Variants in ST14 observed in about 807,000 individuals in gnomAD.
ST14 encodes the protein ST14 transmembrane serine protease matriptase.
Under a neutral mutation model 96.5 loss-of-function variants are expected in ST14, and 40 were observed. The observed-to-expected ratio is 0.41, with a 90% CI of 0.32 to 0.54. The LOEUF (loss-of-function observed/expected upper bound fraction) is 0.54. Ranked by LOEUF, ST14 falls within the 20% of genes least tolerant of loss-of-function variation. The pLI, the probability that ST14 is intolerant of heterozygous loss-of-function variation, is 0.17. For synonymous variants in ST14, 506 were observed against 492.1 expected, an observed-to-expected ratio of 1.03 and a Z score of -0.37; for missense variants, 1,066 against 1,188.9, an observed-to-expected ratio of 0.90 and a Z score of 1.52.
intron 1 of ST14, among the ~76,000 whole-genome samples, chr11:130,163,395 C>A (rs928646930): frequency 1.3e-5 from 2 of 152,178 alleles, no homozygotes; most frequent in South Asian, 4.1e-4. Flanking sequence ...CCCCTCCCAC[C>A]ATAGAAAATT....
chr11:130,165,298 G>A (rs1953032570), intron 1 of ST14, among the ~76,000 whole-genome samples: 1 of 152,214 alleles, frequency 6.6e-6, no homozygotes, highest in Non-Finnish European at 1.5e-5. Flanking sequence ...GGTTGTTTCT[G>A]AGATGCCTGG....
rs372599625 is a variant in ST14, at chr11:130,199,483, A to G, written c.1807+414A>G. Among the ~76,000 whole-genome samples, 44 of 152,296 alleles carry G rather than the reference A, an allele frequency of 2.9e-4. No individual in the cohort carries two copies. The South Asian group carries it at 9.1e-3, about 32-fold the overall frequency. ...TGTTTCAGAAGCGTTGGCTGGCCAC[A>G]GGTTAGATTTGAGCACAGCTCCAGC... On this transcript the variant is annotated intron_variant, in intron 15 of 18. Transcript: ENST00000278742.
At chr11:130,190,376 C>T in intron 6 of ST14, 78 bp from the exon 7 acceptor site, 1 of 1,592,658 alleles carries the variant, frequency 6.3e-7, no homozygotes, top group Non-Finnish European at 8.5e-7. Flanking sequence ...AGGTCCACAC[C>T]CACGGGGTCT....
chr11:130,207,117 G>C (rs1275976330), intron 16 of ST14, among the ~76,000 whole-genome samples: 1 of 152,144 alleles, frequency 6.6e-6, no homozygotes, highest in African/African-American at 2.4e-5. Context: ...GTTCCAGGTT[G>C]CTTTATGCTT....
intron 8 of ST14, 98 bp downstream of exon 8, chr11:130,194,386 C>G (rs746181270): frequency 3.6e-5 from 55 of 1,531,270 alleles, no homozygotes; most frequent in Non-Finnish European, 4.9e-5. Flanking sequence ...ACAGGCTAGA[C>G]CCTGTGGTTG....
chr11:130,188,617 C>T lies in ST14; in HGVS notation c.329C>T (p.Ser110Phe). ...NFVDAYENSN[S>F]TEFVSLASKV... is the part of the protein sequence containing the mutation. The stretch of plus-strand genomic sequence containing the variant: ...GTGGATGCCTACGAGAACTCCAACT[C>T]CACTGAGTTTGTAAGCCTGGCCAGC... Residue 110 changes from serine to phenylalanine, a missense_variant, in exon 3 of 19, where the codon TCC (serine) becomes TTC (phenylalanine). Physicochemically the swap from Ser to Phe is radical, Grantham distance 155. Coordinates refer to ENST00000278742, the MANE Select transcript of ST14 (RefSeq NM_021978.4). The surrounding 1 kb of genome is among the most constrained non-coding windows in gnomAD (Gnocchi z 5.4). 6.2e-7 allele frequency: 1 copy of T among 1,614,210 alleles called. No individual in the cohort carries two copies.
chr11:130,189,034 C>A (rs1409118115), intron 4 of ST14, 95 bp downstream of exon 4: 13 of 1,346,980 alleles, frequency 9.7e-6, no homozygotes, highest in Middle Eastern at 3.7e-4. Flanking sequence ...GGAGATGGTG[C>A]TGGAGGTCCT....
chr11:130,196,488 G>A (rs1292535282), intron 10 of ST14, 40 bp downstream of exon 10: 1 of 1,585,346 alleles, frequency 6.3e-7, no homozygotes, highest in Non-Finnish European at 8.6e-7. Context: ...GGCCCATGCT[G>A]CAGGGGGAGG....
At chr11:130,170,266 T>G (rs1452583355) in intron 1 of ST14, among the ~76,000 whole-genome samples, 1 of 152,104 alleles carries the variant, frequency 6.6e-6, no homozygotes, top group African/African-American at 2.4e-5. Flanking sequence ...TTCCCCTTCT[T>G]GGTTGAGGGC....
At chr11:130,178,866 G>A (rs1283492248) in intron 1 of ST14, among the ~76,000 whole-genome samples, 2 of 152,296 alleles carry the variant, frequency 1.3e-5, no homozygotes, top group African/African-American at 4.8e-5. Context: ...CAGCTGGCTG[G>A]GTCTGCAGCT....
At chr11:130,199,859 C>A in intron 15 of ST14, 92 bp from the exon 16 acceptor site, 2 of 1,542,838 alleles carry the variant, frequency 1.3e-6, no homozygotes, top group Non-Finnish European at 1.8e-6. Flanking sequence ...GGCTTCCCCA[C>A]ACAGGGTCTC....
intron 1 of ST14, among the ~76,000 whole-genome samples, chr11:130,177,455 C>G (rs186381053): frequency 6.6e-6 from 1 of 151,826 alleles, no homozygotes; most frequent in African/African-American, 2.4e-5. Flanking sequence ...CCCAGCTACT[C>G]GGGAGGCTGA....
intron 1 of ST14, among the ~76,000 whole-genome samples, chr11:130,171,637 A>G (rs964637648): frequency 2.0e-5 from 3 of 152,172 alleles, no homozygotes; most frequent in African/African-American, 7.2e-5. Flanking sequence ...GTCTTTCCAC[A>G]AGGTCAGACT....
chr11:130,209,477 C>T lies in ST14; in HGVS notation c.2305C>T (p.Arg769Cys), dbSNP rs920350943. 1 of 1,586,250 alleles carries T rather than the reference C, an allele frequency of 6.3e-7. No homozygotes were observed. Among genetic ancestry groups the T allele is most frequent in the Non-Finnish European group, 8.6e-7 (1 of 1,166,512 alleles). Reference protein sequence around the residue: ...GALILQKGEIRVINQTTCENL... With the variant: ...GALILQKGEICVINQTTCENL... ...GCTGATCCTGCAAAAGGGTGAGATCCGCGTCATCAACCAGACCACCTGCGA... is the reference window on the plus strand; with the variant it reads ...GCTGATCCTGCAAAAGGGTGAGATCTGCGTCATCAACCAGACCACCTGCGA... Residue 769 changes from arginine (R) to cysteine (C), a missense_variant, in exon 18 of 19, where the codon CGC (arginine) becomes TGC (cysteine). Arg to Cys is a radical substitution (Grantham distance 180). Coordinates refer to ENST00000278742, the MANE Select transcript of ST14 (RefSeq NM_021978.4).
Position 130,192,538 on chromosome 11 carries a change from G to A in ST14, c.876-1611G>A, listed in dbSNP as rs558653760. Among the ~76,000 whole-genome samples, 9 of 152,278 alleles carry A rather than the reference G, an allele frequency of 5.9e-5. No individual in the cohort carries two copies. The South Asian group carries it at 6.2e-4, about 11-fold the overall frequency. On this transcript the variant is annotated intron_variant, in intron 7 of 18. Transcript: ENST00000278742. ...CGAGCAGCTGGGATTACAGGCATGCGCCACAACACTCAGCTAATTTTTTTT... is the reference window on the plus strand; with the variant it reads ...CGAGCAGCTGGGATTACAGGCATGCACCACAACACTCAGCTAATTTTTTTT...
At chr11:130,205,482 G>A (rs769560856) in intron 16 of ST14, among the ~76,000 whole-genome samples, 8 of 152,074 alleles carry the variant, frequency 5.3e-5, no homozygotes, top group South Asian at 2.1e-4. Flanking sequence ...AGTTAATCAC[G>A]TTTGCTTTCT....
chr11:130,163,801 A>T (rs1310573702), intron 1 of ST14, among the ~76,000 whole-genome samples: 1 of 152,224 alleles, frequency 6.6e-6, no homozygotes, highest in Non-Finnish European at 1.5e-5. Flanking sequence ...ACTGAGGAAG[A>T]GGAGAAGATG....
intron 1 of ST14, among the ~76,000 whole-genome samples, chr11:130,180,568 G>A (rs912091437): frequency 1.3e-4 from 20 of 152,186 alleles, no homozygotes; most frequent in Admixed American, 5.2e-4. Flanking sequence ...CTTTGGACTT[G>A]TTGGTCCCCA....
intron 1 of ST14, among the ~76,000 whole-genome samples, chr11:130,166,169 C>T (rs1400824752): frequency 1.3e-5 from 2 of 152,214 alleles, no homozygotes; most frequent in African/African-American, 2.4e-5. Flanking sequence ...ATGTATTATA[C>T]ATATGATTAA....
Sources: gnomAD v4.1 joint callset for allele counts (sites outside exome capture counted in the v4.1 genomes callset) on GRCh38, gnomAD v4.1.1 for gene constraint, Gnocchi (gnomAD v3.1) non-coding constraint, MANE v1.5 for transcripts, NCBI Gene and HGNC (gene_info 2026-07-23, HGNC 2026-07-21) for gene names.